CRACR2A: variants seen among roughly 807,000 people sequenced by gnomAD.
CRACR2A encodes EF-hand calcium-binding domain-containing protein 4B.
A neutral mutation model predicts 90.5 loss-of-function variants in CRACR2A; 79 were observed. That is an observed-to-expected ratio of 0.87 (90% CI 0.73 to 1.05). The LOEUF (loss-of-function observed/expected upper bound fraction) is 1.05. Ranked by LOEUF, CRACR2A falls within the 50% of genes least tolerant of loss-of-function variation. The pLI is 0.00. For synonymous variants in CRACR2A, 338 were observed against 356.7 expected (o/e 0.95, Z 0.59); for missense variants, 823 against 897.2 (o/e 0.92, Z 1.06).
At chr12:3,682,853 G>A (rs959810600) in intron 4 of CRACR2A, among the ~76,000 whole-genome samples, 8 of 151,262 alleles carry the variant, frequency 5.3e-5, no homozygotes, top group African/African-American at 1.9e-4. Context: ...TGTGATCTCA[G>A]CTCACTGCAA....
At position 3,679,103 on chromosome 12, in the gene CRACR2A, G is replaced by A; in HGVS notation, c.341-5C>T. On this transcript the variant is annotated splice_polypyrimidine_tract_variant and splice_region_variant and intron_variant, in intron 5 of 19. Transcript: ENST00000440314. ...TCTGGCTGAAGAAGAAGTGACCTGG[G>A]GGGTGCAGGGCACAAGGATCCGAAT... 1 of 1,610,360 alleles carries A rather than the reference G, an allele frequency of 6.2e-7. No homozygotes were observed. Among genetic ancestry groups the A allele is most frequent in the Non-Finnish European group, 8.5e-7 (1 of 1,178,366 alleles).
chr12:3,704,240 A>G (rs902254099), intron 3 of CRACR2A, among the ~76,000 whole-genome samples: 4 of 152,264 alleles, frequency 2.6e-5, no homozygotes, highest in African/African-American at 9.6e-5. Context: ...TGTTGATCCA[A>G]AGCACCAAAA....
chr12:3,620,120 G>A (rs1457342919), intron 17 of CRACR2A, among the ~76,000 whole-genome samples: 1 of 152,244 alleles, frequency 6.6e-6, no homozygotes, highest in East Asian at 1.9e-4. Context: ...TTACCAGCCA[G>A]GGGCCTGCTT....
In CRACR2A at chr12:3,633,795, T is replaced by C. The variant is rs1334649989; in HGVS notation, c.1603-59A>G. ...GAATAGTCTTGCCAGCCCCTGCCCC[T>C]GCCACCAGAGGCCCTTTACCCATCC... On this transcript the variant is annotated intron_variant, in intron 14 of 19. Coordinates refer to ENST00000440314, the MANE Select transcript of CRACR2A (RefSeq NM_001144958.2). This position sits in a 1 kb window ranked among gnomAD's most constrained non-coding sequence, Gnocchi z 4.5. 6.5e-7 allele frequency: 1 copy of C among 1,547,520 alleles called. No homozygotes were observed. Among genetic ancestry groups the C allele is most frequent in the East Asian group, 2.4e-5 (1 of 40,906 alleles).
intron 2 of CRACR2A, among the ~76,000 whole-genome samples, chr12:3,724,002 A>G (rs987630780): frequency 1.3e-5 from 2 of 152,094 alleles, no homozygotes; most frequent in African/African-American, 2.4e-5. Context: ...CAAATCCCCA[A>G]TAGAGCTGGC....
chr12:3,626,204 G>A (rs910386137), intron 17 of CRACR2A, among the ~76,000 whole-genome samples: 10 of 147,578 alleles, frequency 6.8e-5, no homozygotes, highest in African/African-American at 2.5e-4. Flanking sequence ...AGACAGACGG[G>A]TGACCCAGAC....
chr12:3,683,061 C>T (rs61908564), intron 4 of CRACR2A, among the ~76,000 whole-genome samples: 20,264 of 152,194 alleles, frequency 0.13, 1,480 homozygotes, highest in Admixed American at 0.21. Context: ...GCTGGGATTA[C>T]AGGCTTGAGC....
intron 7 of CRACR2A, among the ~76,000 whole-genome samples, chr12:3,665,042 A>G (rs1945104540): frequency 6.6e-6 from 1 of 152,196 alleles, no homozygotes; most frequent in African/African-American, 2.4e-5. Context: ...TGGCTCCCAG[A>G]ACTCAAATGG....
intron 1 of CRACR2A, among the ~76,000 whole-genome samples, chr12:3,747,066 T>C (rs1485317281): frequency 6.6e-6 from 1 of 152,190 alleles, no homozygotes; most frequent in Admixed American, 6.5e-5. Flanking sequence ...GACATATGAC[T>C]GGTTAGAGTA....
chr12:3,616,553 T>C (rs1170262824), intron 19 of CRACR2A, among the ~76,000 whole-genome samples: 2 of 152,164 alleles, frequency 1.3e-5, no homozygotes, highest in Non-Finnish European at 2.9e-5. Context: ...CAGGAACTCA[T>C]ATTATAACCC....
intron 4 of CRACR2A, among the ~76,000 whole-genome samples, chr12:3,690,759 T>A (rs1391770922): frequency 1.3e-5 from 2 of 152,174 alleles, no homozygotes; most frequent in African/African-American, 4.8e-5. Flanking sequence ...GTCAGTGGGG[T>A]GTTGAAGTCT....
At chr12:3,685,734 G>A (rs955433681) in intron 4 of CRACR2A, among the ~76,000 whole-genome samples, 2 of 152,198 alleles carry the variant, frequency 1.3e-5, no homozygotes, top group East Asian at 1.9e-4. Context: ...GGGAGTGGGC[G>A]AAATGAGGAC....
intron 4 of CRACR2A, among the ~76,000 whole-genome samples, chr12:3,693,984 G>C (rs1019051199): frequency 1.3e-5 from 2 of 152,148 alleles, no homozygotes; most frequent in African/African-American, 4.8e-5. Flanking sequence ...CCAGGGGCCC[G>C]TGGAGAGAGT....
chr12:3,666,342 TGTGTGTGTGTGTGC>T (rs1243056116), intron 7 of CRACR2A, among the ~76,000 whole-genome samples: 42 of 112,358 alleles, frequency 3.7e-4, no homozygotes, highest in Non-Finnish European at 6.4e-4. Context: ...TGTGTGTGTG[TGTGTGTGTGTGTGC>T]GTGCGTGTGC....
chr12:3,709,498 C>A (rs1231884407), intron 3 of CRACR2A, among the ~76,000 whole-genome samples: 1 of 152,248 alleles, frequency 6.6e-6, no homozygotes, highest in Non-Finnish European at 1.5e-5. Flanking sequence ...CAGTTTCTGG[C>A]TGGGCGCAGT....
chr12:3,638,585 A>G, intron 13 of CRACR2A, 131 bp from the exon 14 acceptor site: 1 of 1,059,862 alleles, frequency 9.4e-7, no homozygotes, highest in East Asian at 2.6e-5. Context: ...AGTCCGGGAG[A>G]GGGAAAAACA....
rs112611679 is a variant in CRACR2A at position 3,627,232 on chromosome 12, T to C, written c.1932+204A>G. Among the ~76,000 whole-genome samples the C allele has an allele frequency of 5.6e-3, 848 of 152,334 alleles. 9 individuals carry two copies. Among genetic ancestry groups the C allele is most frequent in the African/African-American group, 0.02 (819 of 41,574 alleles). On this transcript the variant is annotated intron_variant, in intron 17 of 19. Transcript: ENST00000440314. Reference sequence around the variant, plus strand: ...ATGAGGGCAGGGACTGTGTCTGTCTTGTTCACTTCTGGGTCCCCAGGAACT... The same window carrying C: ...ATGAGGGCAGGGACTGTGTCTGTCTCGTTCACTTCTGGGTCCCCAGGAACT...
In CRACR2A at chr12:3,753,105, G is replaced by A. The variant is rs1464467892; in HGVS notation, c.-477C>T. Reference sequence around the variant, plus strand: ...CCGCCTGCTCCGCCCGACTCTTTCCGCTCCGAGCCGCGCGGGCTGGACCAG... The same window carrying A: ...CCGCCTGCTCCGCCCGACTCTTTCCACTCCGAGCCGCGCGGGCTGGACCAG... On this transcript the variant is annotated 5_prime_UTR_variant, in exon 1 of 20. Transcript: ENST00000440314. 6.6e-6 allele frequency: 1 copy of A among 152,296 alleles called. No individual in the cohort carries two copies. Among genetic ancestry groups the A allele is most frequent in the Non-Finnish European group, 1.5e-5 (1 of 68,092 alleles). The allele number at this position is 152,296 out of a possible 1,614,324, so 9.4% of individuals were successfully genotyped here. A position where few individuals can be genotyped will look rare whatever the true frequency, so the allele number is the denominator to read the frequency against.
At chr12:3,624,314 G>A (rs1350471522) in intron 17 of CRACR2A, among the ~76,000 whole-genome samples, 1 of 152,170 alleles carries the variant, frequency 6.6e-6, no homozygotes, top group Non-Finnish European at 1.5e-5. Context: ...TTCTCCAGGC[G>A]AGGGAGTTGG....
Sources: allele counts gnomAD v4.1 joint callset (sites outside exome capture counted in the v4.1 genomes callset), GRCh38; gene constraint gnomAD v4.1.1; non-coding constraint Gnocchi (gnomAD v3.1); transcripts MANE v1.5; gene names NCBI Gene and HGNC (gene_info 2026-07-23, HGNC 2026-07-21).